The following ZDHHC14 variants were observed in gnomAD, a reference collection of about 807,000 sequenced individuals.
ZDHHC14 encodes zDHHC palmitoyltransferase 14.
In ZDHHC14, 16 loss-of-function variants were observed where a neutral mutation model predicts 47.7. That is an observed-to-expected ratio of 0.34 (90% CI 0.23 to 0.51). The LOEUF (loss-of-function observed/expected upper bound fraction) is 0.51, where lower values mean the gene tolerates loss of function less well. Ranked by LOEUF, ZDHHC14 falls within the 20% of genes least tolerant of loss-of-function variation. ZDHHC14 has a pLI of 0.97. For missense variants in ZDHHC14, 515 were observed against 662.5 expected, an observed-to-expected ratio of 0.78 and a Z score of 2.44; for synonymous variants, 293 against 278.9, an observed-to-expected ratio of 1.05 and a Z score of -0.50.
intron 3 of ZDHHC14, among the ~76,000 whole-genome samples, chr6:157,613,196 C>T (rs532353710): frequency 5.3e-5 from 8 of 152,238 alleles, no homozygotes; most frequent in South Asian, 2.1e-4. Context: ...CCTACAAATT[C>T]GAATAAAACA....
intron 5 of ZDHHC14, among the ~76,000 whole-genome samples, chr6:157,640,460 G>A (rs182240303): frequency 5.9e-5 from 9 of 152,250 alleles, no homozygotes; most frequent in East Asian, 1.9e-4. Context: ...ACACCACAAC[G>A]GGAAAATCAC....
At chr6:157,597,924 G>C (rs1248536132) in intron 3 of ZDHHC14, among the ~76,000 whole-genome samples, 1 of 152,178 alleles carries the variant, frequency 6.6e-6, no homozygotes, top group Non-Finnish European at 1.5e-5. Flanking sequence ...TTTCTGGCAG[G>C]GCTTTCCCCT....
chr6:157,558,532 T>A (rs759354416), intron 2 of ZDHHC14, among the ~76,000 whole-genome samples: 2 of 152,122 alleles, frequency 1.3e-5, no homozygotes, highest in African/African-American at 4.8e-5. Flanking sequence ...TCCAATTTTG[T>A]GGAGAGGAGG....
chr6:157,579,204 T>G (rs1421173940), intron 2 of ZDHHC14, among the ~76,000 whole-genome samples: 3 of 130,130 alleles, frequency 2.3e-5, no homozygotes, highest in East Asian at 4.2e-4. Flanking sequence ...TTTTTTTTTT[T>G]TTTTTTTTTT....
chr6:157,587,519 C>T (rs951662792), intron 2 of ZDHHC14, among the ~76,000 whole-genome samples: 1 of 152,210 alleles, frequency 6.6e-6, no homozygotes, highest in African/African-American at 2.4e-5. Flanking sequence ...AAGAGGGTAT[C>T]CTGCTTGGCA....
intron 2 of ZDHHC14, among the ~76,000 whole-genome samples, chr6:157,564,278 C>T (rs1195460370): frequency 6.6e-6 from 1 of 152,138 alleles, no homozygotes. Context: ...AGATTCAGAT[C>T]CCAATTCCCT....
intron 3 of ZDHHC14, among the ~76,000 whole-genome samples, chr6:157,610,396 C>T (rs932224694): frequency 3.1e-4 from 47 of 152,142 alleles, no homozygotes; most frequent in Admixed American, 9.8e-4. Context: ...CAGGCCACTG[C>T]ACTCCAGCCT....
chr6:157,590,687 T>C (rs1783874984), intron 2 of ZDHHC14, among the ~76,000 whole-genome samples: 1 of 152,146 alleles, frequency 6.6e-6, no homozygotes. Context: ...AGCCCCCACA[T>C]AGAGCCCCCA....
chr6:157,619,602 TAG>T (rs1484187701), intron 3 of ZDHHC14, among the ~76,000 whole-genome samples: 2 of 152,136 alleles, frequency 1.3e-5, no homozygotes, highest in African/African-American at 4.8e-5. Flanking sequence ...AGAGACACCT[TAG>T]AGTCAGCCAC....
chr6:157,410,149 C>T (rs1344605311), intron 1 of ZDHHC14, among the ~76,000 whole-genome samples: 1 of 152,212 alleles, frequency 6.6e-6, no homozygotes, highest in Non-Finnish European at 1.5e-5. Context: ...GCCAGCTTCT[C>T]AGCACTTCCC....
intron 2 of ZDHHC14, among the ~76,000 whole-genome samples, chr6:157,548,083 TGTTG>T (rs1369213045): frequency 6.6e-6 from 1 of 151,014 alleles, no homozygotes; most frequent in Admixed American, 6.6e-5. Context: ...TTGTCCATAC[TGTTG>T]AATATACACC....
At chr6:157,486,051 G>T (rs1489881781) in intron 1 of ZDHHC14, among the ~76,000 whole-genome samples, 1 of 152,126 alleles carries the variant, frequency 6.6e-6, no homozygotes, top group Non-Finnish European at 1.5e-5. Context: ...TGGTATCCTT[G>T]TTTTTTTCCA....
intron 2 of ZDHHC14, among the ~76,000 whole-genome samples, chr6:157,579,052 G>C (rs1210104389): frequency 6.6e-6 from 1 of 151,952 alleles, no homozygotes; most frequent in Admixed American, 6.6e-5. Context: ...TGGCTATTCT[G>C]GCTCTTTTTT....
chr6:157,511,306 TTCTG>T (rs1190994535), intron 1 of ZDHHC14, among the ~76,000 whole-genome samples: 1 of 152,200 alleles, frequency 6.6e-6, no homozygotes, highest in Non-Finnish European at 1.5e-5. Flanking sequence ...TGGTTCCATT[TTCTG>T]TAAACTACAG....
chr6:157,640,665 GA>G (rs1034976996), intron 5 of ZDHHC14, among the ~76,000 whole-genome samples: 7 of 152,206 alleles, frequency 4.6e-5, no homozygotes, highest in Admixed American at 2.0e-4. Flanking sequence ...CCCACCAGGG[GA>G]CTGAGATACT....
intron 1 of ZDHHC14, among the ~76,000 whole-genome samples, chr6:157,425,209 C>T (rs544222676): frequency 6.6e-6 from 1 of 152,234 alleles, no homozygotes; most frequent in Admixed American, 6.5e-5. Flanking sequence ...GTTAATTTCA[C>T]CCTCTTGCTT....
At chr6:157,385,092 G>A (rs1438002641) in intron 1 of ZDHHC14, among the ~76,000 whole-genome samples, 1 of 152,002 alleles carries the variant, frequency 6.6e-6, no homozygotes, top group Non-Finnish European at 1.5e-5. Context: ...ATCATGTCTA[G>A]ATAGCTTTTT....
At chr6:157,622,294 G>A (rs915148394) in intron 3 of ZDHHC14, among the ~76,000 whole-genome samples, 1 of 151,968 alleles carries the variant, frequency 6.6e-6, no homozygotes, top group African/African-American at 2.4e-5. Flanking sequence ...GGAGGCTGAG[G>A]CAGGAGATAT....
chr6:157,458,009 A>C (rs938845215), intron 1 of ZDHHC14, among the ~76,000 whole-genome samples: 1 of 152,262 alleles, frequency 6.6e-6, no homozygotes, highest in Non-Finnish European at 1.5e-5. Flanking sequence ...CTGGCTTTGC[A>C]GGAAAGATAA....
Sources: allele counts gnomAD v4.1 joint callset (sites outside exome capture counted in the v4.1 genomes callset), GRCh38; gene constraint gnomAD v4.1.1; transcripts MANE v1.5; gene names NCBI Gene and HGNC (gene_info 2026-07-23, HGNC 2026-07-21).